DOCK9: variants seen among roughly 807,000 people sequenced by gnomAD.
DOCK9 encodes dedicator of cytokinesis 9.
A neutral mutation model predicts 263.3 loss-of-function variants in DOCK9; 89 were observed. The ratio of observed to expected loss-of-function variants is 0.34; its 90% CI spans 0.28 to 0.40. The LOEUF (loss-of-function observed/expected upper bound fraction) is 0.40, where lower values mean the gene tolerates loss of function less well. Ranked by LOEUF, DOCK9 falls within the 10% of genes least tolerant of loss-of-function variation. DOCK9 has a pLI of 1.00. For missense variants in DOCK9, 2,140 were observed against 2,603.4 expected (o/e 0.82, Z 3.87); for synonymous variants, 976 against 973.1 (o/e 1.00, Z -0.06).
At chr13:98,845,139 A>T (rs969763703) in intron 38 of DOCK9, among the ~76,000 whole-genome samples, 6 of 152,230 alleles carry the variant, frequency 3.9e-5, no homozygotes, top group Admixed American at 3.3e-4. Context: ...ATTACTAGAA[A>T]CAGCACACAA....
intron 1 of DOCK9, among the ~76,000 whole-genome samples, chr13:98,988,941 G>A (rs74111838): frequency 2.0e-5 from 3 of 152,240 alleles, no homozygotes; most frequent in Admixed American, 6.5e-5. Flanking sequence ...TGTGCTGAAC[G>A]GCAACCACTG....
chr13:98,822,668 AAAACAAACAAACAAAC>A (rs71114552), intron 45 of DOCK9, among the ~76,000 whole-genome samples: 2 of 151,280 alleles, frequency 1.3e-5, no homozygotes, highest in African/African-American at 2.4e-5. Context: ...AGTAAAAAGT[AAAACAAACAAACAAAC>A]AAACAAACAA....
At chr13:98,879,794 T>C in intron 27 of DOCK9, 104 bp downstream of exon 27, 3 of 910,874 alleles carry the variant, frequency 3.3e-6, no homozygotes, top group Non-Finnish European at 5.0e-6. Flanking sequence ...CTTAGAACAG[T>C]CCTGTAACTG....
chr13:98,825,979 A>G lies in DOCK9; in HGVS notation c.5023+851T>C. On this transcript the variant is annotated intron_variant, in intron 44 of 52. Coordinates refer to ENST00000682017, the MANE Select transcript of DOCK9 (RefSeq NM_001366683.2). This position sits in a 1 kb window ranked among gnomAD's most constrained non-coding sequence, Gnocchi z 4.1. The stretch of plus-strand genomic sequence containing the variant: ...AATGCATCACCTGATAAAAGGTCTC[A>G]ACAGGAAATAGTACCGGTATTAAAT... 1 of 1,449,062 alleles carries G rather than the reference A, an allele frequency of 6.9e-7. No individual in the cohort carries two copies. The highest frequency in any genetic ancestry group is 9.2e-7 in the Non-Finnish European group (1 of 1,089,022). 89.8% of individuals were successfully genotyped at this position (1,449,062 alleles called of 1,614,324 possible). A position where few individuals can be genotyped will look rare whatever the true frequency, so the allele number is the denominator to read the frequency against.
chr13:98,807,828 A>G, intron 47 of DOCK9, 21 bp from the exon 48 acceptor site: 4 of 1,598,678 alleles, frequency 2.5e-6, no homozygotes, highest in Non-Finnish European at 3.4e-6. Flanking sequence ...AAGCACAATT[A>G]GAGCTATCCC....
chr13:98,934,383 A>T (rs1259459473), intron 2 of DOCK9, among the ~76,000 whole-genome samples: 1 of 152,206 alleles, frequency 6.6e-6, no homozygotes, highest in East Asian at 1.9e-4. Flanking sequence ...TGCAGGCGAG[A>T]TACTACAATG....
rs200007377 is a variant in DOCK9, at chr13:98,867,880, G to A, written c.3174+48C>T. On this transcript the variant is annotated intron_variant, in intron 29 of 52. Transcript: ENST00000682017. ...AAAGGAAAAAGATAATTCTACCAGA[G>A]AAAGGCTACATGGTGACTTCTGTTA... The A allele has an allele frequency of 1.2e-5, 18 of 1,491,076 alleles. No individual in the cohort carries two copies. The East Asian group carries it at 3.9e-4, about 32-fold the overall frequency. The allele number at this position is 1,491,076 out of a possible 1,614,324, so 92.4% of individuals were successfully genotyped here. A position where few individuals can be genotyped will look rare whatever the true frequency, so the allele number is the denominator to read the frequency against.
intron 45 of DOCK9, among the ~76,000 whole-genome samples, chr13:98,815,332 A>T (rs1486780956): frequency 6.6e-6 from 1 of 152,208 alleles, no homozygotes; most frequent in Admixed American, 6.5e-5. Context: ...ATAACAAGGC[A>T]TACTTCTAAT....
intron 1 of DOCK9, among the ~76,000 whole-genome samples, chr13:99,050,333 G>A (rs145187140): frequency 8.5e-5 from 13 of 152,212 alleles, no homozygotes; most frequent in Admixed American, 5.2e-4. Flanking sequence ...GGAAATATCC[G>A]AGACAGCGAA....
intron 2 of DOCK9, among the ~76,000 whole-genome samples, chr13:98,938,995 T>G (rs1378083026): frequency 1.3e-5 from 2 of 151,986 alleles, no homozygotes; most frequent in Admixed American, 1.3e-4. Flanking sequence ...GAGCTGGGAG[T>G]GTCCTCCCTC....
chr13:98,898,303 C>G, intron 13 of DOCK9, 42 bp from the exon 14 acceptor site: 1 of 1,473,386 alleles, frequency 6.8e-7, no homozygotes, highest in Non-Finnish European at 9.4e-7. Flanking sequence ...CTGCATCTCA[C>G]TGAAAGAACT....
At chr13:98,970,028 T>G (rs1331730623) in intron 1 of DOCK9, among the ~76,000 whole-genome samples, 2 of 152,236 alleles carry the variant, frequency 1.3e-5, no homozygotes, top group South Asian at 4.1e-4. Context: ...AGAGTTTCAC[T>G]CTGTTGCCCA....
intron 25 of DOCK9, 43 bp downstream of exon 25, chr13:98,881,515 A>G: frequency 1.3e-5 from 20 of 1,507,504 alleles, no homozygotes; most frequent in Non-Finnish European, 1.8e-5. Context: ...GGAAAACTGG[A>G]GAGCCACAGA....
intron 3 of DOCK9, among the ~76,000 whole-genome samples, chr13:98,927,435 T>G (rs1249633701): frequency 6.6e-6 from 1 of 152,100 alleles, no homozygotes; most frequent in Non-Finnish European, 1.5e-5. Context: ...TGTGATCCTA[T>G]TCTCTTCAAA....
chr13:99,062,423 T>C (rs998079334), intron 1 of DOCK9, among the ~76,000 whole-genome samples: 5 of 152,330 alleles, frequency 3.3e-5, no homozygotes, highest in Non-Finnish European at 5.9e-5. Context: ...TAATTTGTCA[T>C]GTGTTATAGA....
intron 1 of DOCK9, chr13:99,086,204 G>A: frequency 6.7e-7 from 1 of 1,483,684 alleles, no homozygotes; most frequent in Non-Finnish European, 8.9e-7. Context: ...CCCCCGGCCC[G>A]CGGTCGTCCC....
At chr13:98,842,664 T>C (rs1413894507) in intron 38 of DOCK9, among the ~76,000 whole-genome samples, 1 of 152,248 alleles carries the variant, frequency 6.6e-6, no homozygotes, top group Non-Finnish European at 1.5e-5. Context: ...TATACACATA[T>C]GCATGTTCAT....
upstream of DOCK9, among the ~76,000 whole-genome samples, chr13:99,086,862 G>C (rs1271205673): frequency 1.3e-5 from 2 of 151,092 alleles, no homozygotes; most frequent in Non-Finnish European, 3.0e-5. Flanking sequence ...TGGGGGGTCG[G>C]GGCCGCCTCC....
At chr13:99,044,719 T>C (rs897369467) in intron 1 of DOCK9, among the ~76,000 whole-genome samples, 1 of 152,224 alleles carries the variant, frequency 6.6e-6, no homozygotes, top group African/African-American at 2.4e-5. Flanking sequence ...GGCTCCCTTA[T>C]TAACAATGTG....
Sources: allele counts gnomAD v4.1 joint callset (sites outside exome capture counted in the v4.1 genomes callset), GRCh38; gene constraint gnomAD v4.1.1; non-coding constraint Gnocchi (gnomAD v3.1); transcripts MANE v1.5; gene names NCBI Gene and HGNC (gene_info 2026-07-23, HGNC 2026-07-21).